The following LRRN2 variants were observed in gnomAD, a reference collection of about 807,000 sequenced individuals.
LRRN2 encodes the protein leucine rich repeat neuronal 2.
LRRN2 carries 10 observed loss-of-function variants against 35.7 expected under a neutral mutation model. That is an observed-to-expected ratio of 0.28 (90% CI 0.17 to 0.47). The LOEUF (loss-of-function observed/expected upper bound fraction) is 0.47, where lower values mean the gene tolerates loss of function less well. Ranked by LOEUF, LRRN2 falls within the 20% of genes least tolerant of loss-of-function variation. LRRN2 has a pLI of 0.99. For synonymous variants in LRRN2, 391 were observed against 409.6 expected (o/e 0.95, Z 0.55); for missense variants, 731 against 940.3 (o/e 0.78, Z 2.91).
chr1:204,618,068 A>G lies in LRRN2; in HGVS notation c.1925T>C (p.Leu642Pro). 1 of 1,613,868 alleles carries G rather than the reference A, an allele frequency of 6.2e-7. No homozygotes were observed. The highest frequency in any genetic ancestry group is 8.5e-7 in the Non-Finnish European group (1 of 1,179,872). Residue 642 changes from leucine (L) to proline (P), a missense_variant, in exon 2 of 2, where the codon CTG (leucine) becomes CCG (proline). Coordinates refer to ENST00000367177, the MANE Select transcript of LRRN2 (RefSeq NM_201630.2). Reference protein sequence around the residue: ...IAILALAVLLLAAGLAAHLGT... With the variant: ...IAILALAVLLPAAGLAAHLGT... ...AAGGTGGGCCGCTAGCCCAGCTGCC[A>G]GGAGAAGGACAGCGAGAGCCAGGAT...
At chr1:204,649,817 C>T (rs1668184024) in intron 1 of LRRN2, among the ~76,000 whole-genome samples, 1 of 152,150 alleles carries the variant, frequency 6.6e-6, no homozygotes, top group Non-Finnish European at 1.5e-5. Context: ...GGCCTCTCCC[C>T]ACCATGGCAG....
At chr1:204,620,678 G>A (rs1666828564) in intron 1 of LRRN2, 1 of 169,018 alleles carries the variant, frequency 5.9e-6, no homozygotes, top group Admixed American at 6.4e-5. Flanking sequence ...CTCACAGAGT[G>A]AGTGACTGTG....
chr1:204,619,154 T>C lies in LRRN2; in HGVS notation c.839A>G (p.Asp280Gly), dbSNP rs1666641648. 1 of 1,613,682 alleles carries C rather than the reference T, an allele frequency of 6.2e-7. No homozygotes were observed. The highest frequency in any genetic ancestry group is 1.7e-5 in the Admixed American group (1 of 59,960). Residue 280 changes from aspartate (D) to glycine (G), a missense_variant, in exon 2 of 2, where the codon GAC becomes GGC. Asp to Gly is a moderately conservative substitution (Grantham distance 94). This residue lies in a region of LRRN2 where 256 missense variants were observed against 392.4 expected (regional missense o/e 0.65). Coordinates refer to ENST00000367177, the MANE Select transcript of LRRN2 (RefSeq NM_201630.2). ...KNPLQRVGPG[D>G]FANMLHLKEL... Reference sequence around the variant, plus strand: ...CTTAAGGTGCAGCATGTTGGCAAAGTCCCCCGGCCCTACCCGCTGGAGCGG... The same window carrying C: ...CTTAAGGTGCAGCATGTTGGCAAAGCCCCCCGGCCCTACCCGCTGGAGCGG...
chr1:204,650,668 C>T lies in LRRN2; in HGVS notation c.-226-30450G>A, dbSNP rs553335464. ...TGGACCTGCCAGAAGTTCCCACTTC[C>T]ACTCTGCATCCAAAAGTCCCTGTAA... On this transcript the variant is annotated intron_variant, in intron 1 of 1. Coordinates refer to ENST00000367177, the MANE Select transcript of LRRN2 (RefSeq NM_201630.2). Among the ~76,000 whole-genome samples, 6 of 152,256 alleles carry T rather than the reference C, an allele frequency of 3.9e-5. No homozygotes were observed. The South Asian group carries it at 1.0e-3, about 26-fold the overall frequency.
rs775660019 is a variant in LRRN2 at position 204,618,373 on chromosome 1, G to A, written c.1620C>T (p.His540=). 2.5e-6 allele frequency: 4 copies of A among 1,607,056 alleles called. No homozygotes were observed. The highest frequency in any genetic ancestry group is 4.5e-5 in the East Asian group (2 of 44,798). ...ELRVQETHPY[H]ILLSWVTPPN... ...GTGGGGTGACCCAAGATAGCAGGAT[G>A]TGATAGGGGTGGGTCTCCTGCACCC... Residue 540 remains histidine (H), a synonymous_variant, in exon 2 of 2, where the codon CAC becomes CAT. Transcript: ENST00000367177.
Position 204,617,591 on chromosome 1 carries a change from GC to G in LRRN2, c.*259del. On this transcript the variant is annotated 3_prime_UTR_variant, in exon 2 of 2. Coordinates refer to ENST00000367177, the MANE Select transcript of LRRN2 (RefSeq NM_201630.2). ...CAGAGAGAAGATGGGGAGGCAGGAGGCTCTAGCCAAAGTCCCTCCTGTTCCT... is the reference window on the plus strand; with the variant it reads ...CAGAGAGAAGATGGGGAGGCAGGAGGTCTAGCCAAAGTCCCTCCTGTTCCT... 1 of 485,716 alleles carries G rather than the reference GC, an allele frequency of 2.1e-6. No homozygotes were observed. The highest frequency in any genetic ancestry group is 3.7e-6 in the Non-Finnish European group (1 of 270,388). 30.1% of individuals were successfully genotyped at this position (485,716 alleles called of 1,614,324 possible).
chr1:204,659,868 C>T (rs981634560), intron 1 of LRRN2, among the ~76,000 whole-genome samples: 5 of 152,150 alleles, frequency 3.3e-5, no homozygotes, highest in East Asian at 3.8e-4. Flanking sequence ...ACTCACTAAA[C>T]TCAACAAAAA....
At chr1:204,636,030 G>C (rs1187679537) in intron 1 of LRRN2, among the ~76,000 whole-genome samples, 3 of 152,174 alleles carry the variant, frequency 2.0e-5, no homozygotes, top group Non-Finnish European at 2.9e-5. Flanking sequence ...CACACCTGCA[G>C]CCGGCCATCT....
rs137934752 is a variant in LRRN2, at chr1:204,637,224, G to A, written c.-226-17006C>T. The stretch of plus-strand genomic sequence containing the variant: ...AGGACTGAGAACTATTACTTCTGAA[G>A]GAAAAATCCATAAAGCAAATGAGCT... On this transcript the variant is annotated intron_variant, in intron 1 of 1. Transcript: ENST00000367177. Among the ~76,000 whole-genome samples the A allele has an allele frequency of 3.5e-4, 53 of 152,280 alleles. 1 individual carries two copies. Among genetic ancestry groups the A allele is most frequent in the African/African-American group, 1.2e-3 (50 of 41,560 alleles).
chr1:204,627,873 C>T (rs1667518484), intron 1 of LRRN2, among the ~76,000 whole-genome samples: 1 of 152,224 alleles, frequency 6.6e-6, no homozygotes, highest in South Asian at 2.1e-4. Context: ...AGGAACTGTG[C>T]TTCAAGTTGC....
In LRRN2 at chr1:204,671,289, T is replaced by C. The variant is rs540985907; in HGVS notation, c.-227+14031A>G. ...GGAGGAAGGTGTGAAATAGTCATTG[T>C]GGAGACTGAGGGGAGACAGAACCAG... On this transcript the variant is annotated intron_variant, in intron 1 of 1. Transcript: ENST00000367177. Among the ~76,000 whole-genome samples, 31 of 152,080 alleles carry C rather than the reference T, an allele frequency of 2.0e-4. 2 individuals are homozygous for C. The South Asian group carries it at 4.2e-3, about 20-fold the overall frequency.
intron 1 of LRRN2, among the ~76,000 whole-genome samples, chr1:204,623,865 T>G (rs1057302584): frequency 6.6e-6 from 1 of 152,188 alleles, no homozygotes; most frequent in Non-Finnish European, 1.5e-5. Flanking sequence ...GTGAAATGTG[T>G]AGAGAACACG....
chr1:204,637,818 G>A lies in LRRN2; in HGVS notation c.-226-17600C>T, dbSNP rs546988503. Among the ~76,000 whole-genome samples, 16 of 152,226 alleles carry A rather than the reference G, an allele frequency of 1.1e-4. No individual in the cohort carries two copies. In the South Asian group the frequency reaches 1.5e-3, roughly 14 times the overall value. On this transcript the variant is annotated intron_variant, in intron 1 of 1. Transcript: ENST00000367177. ...TGTGGGGGAGTGCCATGGCAACACC[G>A]TGCTCTTTAAACACAGGAGTTTGTG...
chr1:204,622,556 A>G (rs2102573685), intron 1 of LRRN2, among the ~76,000 whole-genome samples: 1 of 152,272 alleles, frequency 6.6e-6, no homozygotes. Flanking sequence ...GTACACATGC[A>G]TGCATGCCTG....
At chr1:204,632,047 CCT>C (rs1667717938) in intron 1 of LRRN2, among the ~76,000 whole-genome samples, 1 of 152,046 alleles carries the variant, frequency 6.6e-6, no homozygotes, top group African/African-American at 2.4e-5. Context: ...ACAGTGAAAC[CCT>C]GTCTCTACCA....
intron 1 of LRRN2, among the ~76,000 whole-genome samples, chr1:204,660,127 G>A (rs1668439626): frequency 6.6e-6 from 1 of 152,190 alleles, no homozygotes; most frequent in South Asian, 2.1e-4. Flanking sequence ...TGGTCCAGGG[G>A]GTGACAGCAG....
Position 204,619,801 on chromosome 1 carries a change from G to A in LRRN2, c.192C>T (p.Pro64=), listed in dbSNP as rs1255071722. Residue 64 remains proline (P), a synonymous_variant, in exon 2 of 2, where the codon CCC becomes CCT. Transcript: ENST00000367177. ...TCTGTGTGCCTGCGGGGAGTGCCGGGGGGACTGCCGTCAGGAATAGGTCAT... is the reference window on the plus strand; with the variant it reads ...TCTGTGTGCCTGCGGGGAGTGCCGGAGGGACTGCCGTCAGGAATAGGTCAT... The part of the protein sequence containing the change: ...DCNDLFLTAV[P]PALPAGTQTL... 6 of 1,613,992 alleles carry A rather than the reference G, an allele frequency of 3.7e-6. No individual in the cohort carries two copies. In the African/African-American group the frequency reaches 4.0e-5, roughly 11 times the overall value.
intron 1 of LRRN2, among the ~76,000 whole-genome samples, chr1:204,681,592 C>A (rs1668956794): frequency 6.6e-6 from 1 of 152,160 alleles, no homozygotes; most frequent in Non-Finnish European, 1.5e-5. Flanking sequence ...TGACGGTGAA[C>A]TCCTTGAAGG....
chr1:204,632,425 G>A (rs1313879062), intron 1 of LRRN2, among the ~76,000 whole-genome samples: 2 of 150,588 alleles, frequency 1.3e-5, no homozygotes, highest in Non-Finnish European at 3.0e-5. Context: ...GAGATTAGGA[G>A]TTTGAGACCA....
Sources: allele counts gnomAD v4.1 joint callset (sites outside exome capture counted in the v4.1 genomes callset), GRCh38; gene constraint gnomAD v4.1.1; regional missense constraint gnomAD v4.1.1; transcripts MANE v1.5; gene names NCBI Gene and HGNC (gene_info 2026-07-23, HGNC 2026-07-21).